The following CCDC25 variants were observed in gnomAD, a reference collection of about 807,000 sequenced individuals.
CCDC25 encodes the protein coiled-coil domain containing 25.
Under a neutral mutation model 35.3 loss-of-function variants are expected in CCDC25, and 16 were observed. That is an observed-to-expected ratio of 0.45 (90% CI 0.31 to 0.69). CCDC25 has a LOEUF of 0.69. Ranked by LOEUF, CCDC25 falls within the 30% of genes least tolerant of loss-of-function variation. The pLI is 0.06. For missense variants in CCDC25, 179 were observed against 250.7 expected (o/e 0.71, Z 1.93); for synonymous variants, 79 against 80.3 (o/e 0.98, Z 0.09).
chr8:27,761,022 G>A (rs937235397), intron 3 of CCDC25, among the ~76,000 whole-genome samples: 10 of 152,110 alleles, frequency 6.6e-5, no homozygotes, highest in East Asian at 5.8e-4. Context: ...CCAGCTACTC[G>A]GGAGGCTGAG....
Position 27,772,593 on chromosome 8 carries a change from C to T in CCDC25, c.-53G>A. 1.3e-6 allele frequency: 2 copies of T among 1,535,920 alleles called. No individual in the cohort carries two copies. The highest frequency in any genetic ancestry group is 1.2e-5 in the South Asian group (1 of 83,616). ...CCGCGGAGCAGCAGCGCTCAACTCA[C>T]GAAGCTCAGGATACCAGACTCGCGG... On this transcript the variant is annotated 5_prime_UTR_variant, in exon 1 of 9. In the 5' UTR this introduces an upstream ATG that the reference lacks. Coordinates refer to ENST00000356537, the MANE Select transcript of CCDC25 (RefSeq NM_018246.3).
intron 7 of CCDC25, among the ~76,000 whole-genome samples, chr8:27,745,717 T>C (rs1278524796): frequency 6.6e-6 from 1 of 152,230 alleles, no homozygotes; most frequent in Non-Finnish European, 1.5e-5. Flanking sequence ...AGACTTGCAA[T>C]GTCACCGCGT....
At chr8:27,752,393 A>G (rs1476743187) in intron 5 of CCDC25, 119 bp downstream of exon 5, 1 of 738,676 alleles carries the variant, frequency 1.4e-6, no homozygotes, top group African/African-American at 1.8e-5. Flanking sequence ...TGGCAAAGGC[A>G]CAGCACATGT....
intron 3 of CCDC25, among the ~76,000 whole-genome samples, chr8:27,761,950 G>C (rs1315564531): frequency 1.3e-5 from 2 of 152,164 alleles, no homozygotes; most frequent in African/African-American, 4.8e-5. Flanking sequence ...AAGGCGTCGG[G>C]GTTGGATCAA....
intron 3 of CCDC25, among the ~76,000 whole-genome samples, chr8:27,761,851 G>GTTT (rs1181450292): frequency 1.3e-5 from 2 of 152,158 alleles, no homozygotes; most frequent in Non-Finnish European, 2.9e-5. Context: ...TTTGGACTGG[G>GTTT]TTTTGTGAGC....
In CCDC25 at chr8:27,735,970, G is replaced by A. The variant is rs1803208796; in HGVS notation, c.*246C>T. ...CTGCTTTCACAAGGTACCAAGACAT[G>A]TTCTGGCAAAAACATTTTCACTTTA... On this transcript the variant is annotated 3_prime_UTR_variant, in exon 9 of 9. Coordinates refer to ENST00000356537, the MANE Select transcript of CCDC25 (RefSeq NM_018246.3). 2 of 410,286 alleles carry A rather than the reference G, an allele frequency of 4.9e-6. No individual in the cohort carries two copies. Among genetic ancestry groups the A allele is most frequent in the Non-Finnish European group, 8.7e-6 (2 of 230,464 alleles). 25.4% of individuals were successfully genotyped at this position (410,286 alleles called of 1,614,324 possible).
chr8:27,763,579 A>G (rs551487103), intron 2 of CCDC25, among the ~76,000 whole-genome samples: 3 of 152,256 alleles, frequency 2.0e-5, no homozygotes, highest in African/African-American at 4.8e-5. Context: ...TTAGCCAGGC[A>G]TGGTAGCACG....
At chr8:27,759,284 A>G (rs113275077) in intron 3 of CCDC25, among the ~76,000 whole-genome samples, 76 of 152,290 alleles carry the variant, frequency 5.0e-4, no homozygotes, top group African/African-American at 1.8e-3. Context: ...CACAGTAAAT[A>G]CACACTATTT....
intron 8 of CCDC25, among the ~76,000 whole-genome samples, chr8:27,738,176 G>C (rs1451724612): frequency 6.6e-6 from 1 of 152,080 alleles, no homozygotes; most frequent in Non-Finnish European, 1.5e-5. Flanking sequence ...TACTGCTTGG[G>C]TGACGGATGC....
intron 5 of CCDC25, among the ~76,000 whole-genome samples, chr8:27,750,914 T>C (rs1585353889): frequency 1.3e-5 from 2 of 152,186 alleles, no homozygotes; most frequent in Admixed American, 1.3e-4. Flanking sequence ...CCCTACAAAG[T>C]GCCACAAGTG....
In CCDC25 at chr8:27,748,164, T is replaced by C; in HGVS notation, c.464A>G (p.Glu155Gly). ...AATTTGGGCTTTTTTCTCATTCCTCTCTTCACGATCTCTGCATTCTTTCTC... is the reference window on the plus strand; with the variant it reads ...AATTTGGGCTTTTTTCTCATTCCTCCCTTCACGATCTCTGCATTCTTTCTC... ...AAEKECRDREERNEKKAQIQE... is the reference protein window; with the variant it reads ...AAEKECRDREGRNEKKAQIQE... The change falls in exon 7 of 9, where the codon GAG (glutamate) becomes GGG (glycine). Residue 155 changes from glutamate to glycine, a missense_variant. Physicochemically the swap from Glu to Gly is moderately conservative, Grantham distance 98 (BLOSUM62 -2). Transcript: ENST00000356537. 6.2e-7 allele frequency: 1 copy of C among 1,613,882 alleles called. No individual in the cohort carries two copies. Among genetic ancestry groups the C allele is most frequent in the Non-Finnish European group, 8.5e-7 (1 of 1,179,858 alleles).
At chr8:27,754,746 G>C (rs1803939302) in intron 4 of CCDC25, 1 of 152,240 alleles carries the variant, frequency 6.6e-6, no homozygotes, top group Non-Finnish European at 1.5e-5. Context: ...GATCCTCCTT[G>C]CTCAGCCTCC....
intron 1 of CCDC25, among the ~76,000 whole-genome samples, chr8:27,771,334 T>C (rs1458425905): frequency 3.3e-5 from 5 of 152,206 alleles, no homozygotes; most frequent in Admixed American, 3.3e-4. Context: ...AACCGCCTAA[T>C]GGAGCATTTC....
At chr8:27,740,100 A>G (rs1048759425) in intron 8 of CCDC25, among the ~76,000 whole-genome samples, 1 of 152,136 alleles carries the variant, frequency 6.6e-6, no homozygotes, top group Non-Finnish European at 1.5e-5. Context: ...TCATTCAATT[A>G]TAATATGGAC....
intron 3 of CCDC25, among the ~76,000 whole-genome samples, chr8:27,758,415 G>T (rs12545651): frequency 0.44 from 66,341 of 151,948 alleles, 14,719 homozygotes; most frequent in East Asian, 0.63. Flanking sequence ...ATGATGACTC[G>T]AGGTTTTACT....
rs1803181617 is a variant in CCDC25 at position 27,735,285 on chromosome 8, T to C, written c.*931A>G. The C allele has an allele frequency of 6.6e-6, 1 of 152,638 alleles. No individual in the cohort carries two copies. Among genetic ancestry groups the C allele is most frequent in the Non-Finnish European group, 1.5e-5 (1 of 68,056 alleles). 9.5% of individuals were successfully genotyped at this position (152,638 alleles called of 1,614,324 possible). A position where few individuals can be genotyped will look rare whatever the true frequency, so the allele number is the denominator to read the frequency against. The stretch of plus-strand genomic sequence containing the variant: ...TTTTGCCCACAGTTCCAAAGTGCTA[T>C]TACAGGTGGAATATCTGCTGCAGGA... On this transcript the variant is annotated 3_prime_UTR_variant, in exon 9 of 9. Transcript: ENST00000356537.
intron 1 of CCDC25, among the ~76,000 whole-genome samples, chr8:27,765,562 C>G (rs1042606096): frequency 6.6e-6 from 1 of 152,042 alleles, no homozygotes; most frequent in Non-Finnish European, 1.5e-5. Context: ...TACTTTCCTA[C>G]TTTCTCAGGG....
At chr8:27,769,704 GA>G (rs1303795935) in intron 1 of CCDC25, among the ~76,000 whole-genome samples, 11 of 152,202 alleles carry the variant, frequency 7.2e-5, no homozygotes, top group Admixed American at 1.3e-4. Context: ...AAACTACTGA[GA>G]AAAATAAGGA....
chr8:27,771,586 G>A (rs538536623), intron 1 of CCDC25, among the ~76,000 whole-genome samples: 2 of 152,186 alleles, frequency 1.3e-5, no homozygotes, highest in East Asian at 3.9e-4. Context: ...TGTGACCACG[G>A]AAAGCGAAAT....
Sources: allele counts gnomAD v4.1 joint callset (sites outside exome capture counted in the v4.1 genomes callset), GRCh38; gene constraint gnomAD v4.1.1; transcripts MANE v1.5; gene names NCBI Gene and HGNC (gene_info 2026-07-23, HGNC 2026-07-21).